Variants in MPDZ observed in about 807,000 individuals in gnomAD.
The protein encoded by MPDZ is multiple PDZ domain protein.
MPDZ carries 234 observed loss-of-function variants against 239.1 expected under a neutral mutation model. That is an observed-to-expected ratio of 0.98 (90% CI 0.88 to 1.09). MPDZ has a LOEUF of 1.09. Ranked by LOEUF, MPDZ falls within the 50% of genes least tolerant of loss-of-function variation. The pLI is 0.00. For missense variants in MPDZ, 3,175 were observed against 2,510.0 expected (o/e 1.26, Z -5.66); for synonymous variants, 1,048 against 881.3 (o/e 1.19, Z -3.35).
In MPDZ at chr9:13,115,271, T is replaced by C; in HGVS notation, c.5443A>G (p.Arg1815Gly). 1.2e-6 allele frequency: 2 copies of C among 1,612,684 alleles called. No homozygotes were observed. The highest frequency in any genetic ancestry group is 1.7e-6 in the Non-Finnish European group (2 of 1,179,830). ...RIKAGPFHSE[R>G]RPSQSSQVSE... ...ACCTGGCTGCTTTGAGATGGCCTCC[T>C]CTCTGAATGGAATGGACCAGCTTTG... Residue 1815 changes from arginine (R) to glycine (G), a missense_variant, in exon 40 of 47, where the codon AGG becomes GGG. By Grantham distance (125) the Arg-to-Gly change is moderately radical. Coordinates refer to ENST00000319217, the MANE Select transcript of MPDZ (RefSeq NM_001378778.1).
intron 16 of MPDZ, among the ~76,000 whole-genome samples, chr9:13,189,614 C>G (rs559734386): frequency 4.6e-5 from 7 of 152,134 alleles, no homozygotes; most frequent in African/African-American, 1.7e-4. Flanking sequence ...ATCAGACAGG[C>G]TTTACCATCT....
intron 41 of MPDZ, 52 bp from the exon 42 acceptor site, chr9:13,113,106 T>C: frequency 6.8e-7 from 1 of 1,465,500 alleles, no homozygotes; most frequent in South Asian, 1.3e-5. Context: ...ATTCACTTTT[T>C]ATGTTCGTTA....
chr9:13,230,402 C>T (rs559124231), intron 3 of MPDZ, among the ~76,000 whole-genome samples: 67 of 152,040 alleles, frequency 4.4e-4, no homozygotes, highest in Non-Finnish European at 7.4e-4. Context: ...AAACAAAATA[C>T]CCCTCAGTAG....
chr9:13,165,589 C>T, intron 22 of MPDZ: 1 of 608,490 alleles, frequency 1.6e-6, no homozygotes, highest in South Asian at 2.2e-5. Context: ...CTGCTCTTTA[C>T]TAGTGTCTAT....
Position 13,126,713 on chromosome 9 carries a change from TATG to T in MPDZ, c.4521_4523del (p.Ile1508del). The stretch of plus-strand genomic sequence containing the variant: ...CTACCCCATGCTCTGTTAAGCTCTT[TATG>T]ATGACTCCACTGAGTGTATCTTCTT... On this transcript the variant is annotated inframe_deletion, in exon 33 of 47. Transcript: ENST00000319217. 1 of 1,613,924 alleles carries T rather than the reference TATG, an allele frequency of 6.2e-7. No individual in the cohort carries two copies. The highest frequency in any genetic ancestry group is 8.5e-7 in the Non-Finnish European group (1 of 1,179,830).
intron 1 of MPDZ, among the ~76,000 whole-genome samples, chr9:13,262,081 T>C (rs1970813042): frequency 1.3e-5 from 2 of 151,324 alleles, no homozygotes; most frequent in Non-Finnish European, 2.9e-5. Context: ...AAAAAAGGAA[T>C]GTGAGCTCTG....
rs147069863 is a variant in MPDZ at position 13,182,807 on chromosome 9, G to T, written c.2649+611C>A. Among the ~76,000 whole-genome samples the T allele has an allele frequency of 1.5e-3, 232 of 152,236 alleles. 2 individuals are homozygous for T. Among genetic ancestry groups the T allele is most frequent in the African/African-American group, 5.5e-3 (228 of 41,560 alleles). On this transcript the variant is annotated intron_variant, in intron 19 of 46. Coordinates refer to ENST00000319217, the MANE Select transcript of MPDZ (RefSeq NM_001378778.1). ...GTATGTCACCAAGAAAATGAATAGA[G>T]TTGGGGCATTTATGCCAATAATCTA...
At position 13,119,516 on chromosome 9, in the gene MPDZ, C is replaced by T. The variant is rs1944009016; in HGVS notation, c.5365G>A (p.Ala1789Thr). 1 of 1,610,546 alleles carries T rather than the reference C, an allele frequency of 6.2e-7. No individual in the cohort carries two copies. Among genetic ancestry groups the T allele is most frequent in the East Asian group, 2.2e-5 (1 of 44,866 alleles). The change falls in exon 39 of 47, where the codon GCC becomes ACC. Residue 1789 changes from alanine (A) to threonine (T), a missense_variant. Ala to Thr is a moderately conservative substitution (Grantham distance 58, BLOSUM62 0). Transcript: ENST00000319217. ...DVRNATQEAVAALLKCSLGTV... is the reference protein window; with the variant it reads ...DVRNATQEAVTALLKCSLGTV... Reference sequence around the variant, plus strand: ...GCATTTTTTACCTTTAGCAAAGCGGCAACCGCTTCTTGGGTGGCATTACGA... The same window carrying T: ...GCATTTTTTACCTTTAGCAAAGCGGTAACCGCTTCTTGGGTGGCATTACGA...
intron 19 of MPDZ, among the ~76,000 whole-genome samples, chr9:13,181,176 A>G (rs966324040): frequency 1.3e-5 from 2 of 152,192 alleles, no homozygotes; most frequent in African/African-American, 2.4e-5. Flanking sequence ...AGATCCTCAC[A>G]TTCTATTTTA....
At position 13,206,109 on chromosome 9, in the gene MPDZ, A is replaced by T. The variant is rs761999560; in HGVS notation, c.1291-10T>A. On this transcript the variant is annotated splice_polypyrimidine_tract_variant and intron_variant, in intron 10 of 46. Transcript: ENST00000319217. ...GGTTTGTGCCATCTACCTGTGATTA[A>T]AAAAAAAAAAAAGCATGTTACATGT... 3 of 826,356 alleles carry T rather than the reference A, an allele frequency of 3.6e-6. No homozygotes were observed. Among genetic ancestry groups the T allele is most frequent in the South Asian group, 2.6e-5 (1 of 38,058 alleles). 51.2% of individuals were successfully genotyped at this position (826,356 alleles called of 1,614,324 possible). A position where few individuals can be genotyped will look rare whatever the true frequency, so the allele number is the denominator to read the frequency against.
At chr9:13,119,365 G>C (rs145558466) in intron 39 of MPDZ, 137 bp downstream of exon 39, 2 of 1,031,266 alleles carry the variant, frequency 1.9e-6, no homozygotes, top group South Asian at 1.7e-5. Flanking sequence ...GATTATAGGC[G>C]TGAGCCATTG....
chr9:13,183,753 T>C (rs537989962), intron 18 of MPDZ, among the ~76,000 whole-genome samples, 168 bp from the exon 19 acceptor site: 1 of 152,108 alleles, frequency 6.6e-6, no homozygotes, highest in Admixed American at 6.6e-5. Context: ...AGAACAAGGA[T>C]AAATAGCCCA....
chr9:13,113,921 C>T lies in MPDZ; in HGVS notation c.5557+10G>A. 1 of 1,571,614 alleles carries T rather than the reference C, an allele frequency of 6.4e-7. No homozygotes were observed. The highest frequency in any genetic ancestry group is 8.7e-7 in the Non-Finnish European group (1 of 1,155,874). The stretch of plus-strand genomic sequence containing the variant: ...TTCAAACCATGTTTAAAATACTGAA[C>T]CAATCTTACATGCATTCTTCTTTGA... On this transcript the variant is annotated intron_variant, in intron 41 of 46. Coordinates refer to ENST00000319217, the MANE Select transcript of MPDZ (RefSeq NM_001378778.1).
chr9:13,139,035 G>C (rs550399071), intron 28 of MPDZ, among the ~76,000 whole-genome samples: 36 of 152,298 alleles, frequency 2.4e-4, no homozygotes, highest in African/African-American at 8.2e-4. Flanking sequence ...TTGATTGTTA[G>C]CAATATGCTC....
chr9:13,252,363 C>A (rs922090187), intron 1 of MPDZ, among the ~76,000 whole-genome samples: 7 of 151,052 alleles, frequency 4.6e-5, no homozygotes, highest in African/African-American at 1.7e-4. Flanking sequence ...GTCAGGAGAT[C>A]CAGACCATCC....
intron 12 of MPDZ, among the ~76,000 whole-genome samples, chr9:13,202,745 T>C (rs1956535012): frequency 6.6e-6 from 1 of 152,214 alleles, no homozygotes. Context: ...TCTCTTTGAA[T>C]GGCATTATGC....
At position 13,121,782 on chromosome 9, in the gene MPDZ, T is replaced by C. The variant is rs1483362676; in HGVS notation, c.5188A>G (p.Lys1730Glu). The C allele has an allele frequency of 6.2e-7, 1 of 1,613,988 alleles. No homozygotes were observed. The highest frequency in any genetic ancestry group is 8.5e-7 in the Non-Finnish European group (1 of 1,179,892). ...VCDTLTIELQ[K>E]KPGKGLGLSI... ...AATCCTAGGCCTTTTCCCGGCTTCT[T>C]CTGCAGCTCAATAGTGAGGGTGTCA... The change falls in exon 38 of 47, where the codon AAG becomes GAG. Residue 1730 changes from lysine (K) to glutamate (E), a missense_variant. Transcript: ENST00000319217.
At chr9:13,123,786 C>T (rs1418027311) in intron 35 of MPDZ, among the ~76,000 whole-genome samples, 3 of 152,154 alleles carry the variant, frequency 2.0e-5, no homozygotes, top group Admixed American at 6.5e-5. Flanking sequence ...GCCTGCTTTT[C>T]GGGGCTTTTT....
intron 23 of MPDZ, among the ~76,000 whole-genome samples, chr9:13,158,320 C>T (rs1247517487): frequency 6.6e-6 from 1 of 152,056 alleles, no homozygotes; most frequent in Non-Finnish European, 1.5e-5. Context: ...CGTACCATAG[C>T]GTAGAGCTGA....
Sources: gnomAD v4.1 joint callset for allele counts (sites outside exome capture counted in the v4.1 genomes callset) on GRCh38, gnomAD v4.1.1 for gene constraint, MANE v1.5 for transcripts, NCBI Gene and HGNC (gene_info 2026-07-23, HGNC 2026-07-21) for gene names.